The following CCDC150 variants were observed in gnomAD, a reference collection of about 807,000 sequenced individuals.
CCDC150 encodes coiled-coil domain-containing protein 150.
CCDC150 carries 151 observed loss-of-function variants against 156.5 expected under a neutral mutation model. The observed-to-expected ratio is 0.97, with a 90% confidence interval of 0.85 to 1.10. The LOEUF (loss-of-function observed/expected upper bound fraction) is 1.10. Among genes scored for constraint, CCDC150 ranks in the 50% least tolerant of loss-of-function variants. CCDC150 has a pLI of 0.00. For missense variants in CCDC150, 1,312 were observed against 1,268.1 expected (o/e 1.03, Z -0.53); for synonymous variants, 452 against 429.4 (o/e 1.05, Z -0.65).
intron 17 of CCDC150, among the ~76,000 whole-genome samples, chr2:196,715,630 C>T (rs578206684): frequency 3.9e-4 from 59 of 152,248 alleles, no homozygotes; most frequent in African/African-American, 1.4e-3. Context: ...GTCTTTTCAA[C>T]AAACGGTGCC....
chr2:196,640,820 C>T (rs530136592), intron 1 of CCDC150, among the ~76,000 whole-genome samples: 2 of 152,336 alleles, frequency 1.3e-5, no homozygotes, highest in South Asian at 2.1e-4. Context: ...TGCTTTTGTT[C>T]TTCCACCATT....
At chr2:196,711,996 G>A (rs532898190) in intron 15 of CCDC150, 149 bp from the exon 16 acceptor site, 3 of 360,070 alleles carry the variant, frequency 8.3e-6, no homozygotes, top group East Asian at 8.3e-5. Context: ...CTTTTTGCAA[G>A]TTTTAAAGAT....
intron 13 of CCDC150, 98 bp from the exon 14 acceptor site, chr2:196,694,948 A>T (rs1394029911): frequency 3.4e-5 from 22 of 641,110 alleles, no homozygotes; most frequent in Non-Finnish European, 5.8e-5. Flanking sequence ...TATGGACAAT[A>T]CTGTCCATTT....
Position 196,639,862 on chromosome 2 carries a change from T to C in CCDC150, c.12+84T>C, listed in dbSNP as rs568389304. On this transcript the variant is annotated intron_variant, in intron 1 of 27. Coordinates refer to ENST00000389175, the MANE Select transcript of CCDC150 (RefSeq NM_001080539.2). ...TCAGATAAGGACAGTCACCACTCCC[T>C]GGCGCCCTCTCCCTGTCCTGACGGA... 5.0e-6 allele frequency: 6 copies of C among 1,202,852 alleles called. No homozygotes were observed. In the South Asian group the frequency reaches 6.2e-5, roughly 12 times the overall value. 74.5% of individuals were successfully genotyped at this position (1,202,852 alleles called of 1,614,324 possible). A position where few individuals can be genotyped will look rare whatever the true frequency, so the allele number is the denominator to read the frequency against.
intron 13 of CCDC150, chr2:196,686,272 A>G (rs1695122294): frequency 4.7e-6 from 1 of 212,798 alleles, no homozygotes; most frequent in Non-Finnish European, 9.7e-6. Flanking sequence ...GCTGCCTGGT[A>G]CATGGCTGCA....
Position 196,701,127 on chromosome 2 carries a change from GA to G in CCDC150, c.1648del (p.Ile550SerfsTer17). The part of the protein sequence containing the change: ...DYHGLAQQKV[E>X]KITESKNKLA... Reference sequence around the variant, plus strand: ...TTATCAGCTTGCCCAACAGAAGGTGGAAAAAATCACTGAAAGTAAAAATAAA... The same window carrying G: ...TTATCAGCTTGCCCAACAGAAGGTGGAAAAATCACTGAAAGTAAAAATAAA... On this transcript the variant is annotated frameshift_variant, in exon 15 of 28. Coordinates refer to ENST00000389175, the MANE Select transcript of CCDC150 (RefSeq NM_001080539.2). LOFTEE classifies it high-confidence loss of function. 3 of 1,608,350 alleles carry G rather than the reference GA, an allele frequency of 1.9e-6. No individual in the cohort carries two copies. Among genetic ancestry groups the G allele is most frequent in the South Asian group, 1.1e-5 (1 of 89,656 alleles).
intron 21 of CCDC150, among the ~76,000 whole-genome samples, chr2:196,722,428 A>T (rs1286040716): frequency 4.4e-5 from 6 of 135,704 alleles, no homozygotes; most frequent in Non-Finnish European, 9.3e-5. Flanking sequence ...GGCATGCATC[A>T]CCACACCTGG....
intron 21 of CCDC150, among the ~76,000 whole-genome samples, chr2:196,723,279 G>T (rs1206962819): frequency 6.6e-6 from 1 of 152,190 alleles, no homozygotes; most frequent in Non-Finnish European, 1.5e-5. Context: ...AAGGTGGGCG[G>T]ATCACGAGGT....
At chr2:196,642,949 G>T (rs1349257111) in intron 1 of CCDC150, among the ~76,000 whole-genome samples, 1 of 152,066 alleles carries the variant, frequency 6.6e-6, no homozygotes, top group Non-Finnish European at 1.5e-5. Flanking sequence ...TGCCATGTGG[G>T]CCAGGCTGGT....
At chr2:196,687,198 C>T (rs938767424) in intron 13 of CCDC150, among the ~76,000 whole-genome samples, 1 of 152,182 alleles carries the variant, frequency 6.6e-6, no homozygotes, top group Non-Finnish European at 1.5e-5. Context: ...CTGTCTTCCA[C>T]AATGGTTGAA....
At chr2:196,713,549 G>A in intron 17 of CCDC150, 1 of 1,550,432 alleles carries the variant, frequency 6.4e-7, no homozygotes, top group South Asian at 1.2e-5. Context: ...GGATATTGGA[G>A]ACTCTAGGAT....
In CCDC150 at chr2:196,695,029, C is replaced by A. The variant is rs1169331922; in HGVS notation, c.1510-17C>A. On this transcript the variant is annotated splice_polypyrimidine_tract_variant and intron_variant, in intron 13 of 27. Transcript: ENST00000389175. ...TCTGGCGTAAATAGTTTCTTTTTTA[C>A]TTTTGTTTCTTTAAAGGTAGACATA... The A allele has an allele frequency of 1.5e-6, 2 of 1,361,134 alleles. No homozygotes were observed. Among genetic ancestry groups the A allele is most frequent in the African/African-American group, 1.5e-5 (1 of 68,166 alleles). 84.3% of individuals were successfully genotyped at this position (1,361,134 alleles called of 1,614,324 possible). A position where few individuals can be genotyped will look rare whatever the true frequency, so the allele number is the denominator to read the frequency against.
At chr2:196,721,421 ATGG>A in intron 20 of CCDC150, 98 bp from the exon 21 acceptor site, 1 of 788,410 alleles carries the variant, frequency 1.3e-6, no homozygotes, top group Non-Finnish European at 1.7e-6. Flanking sequence ...TATTGTTTCA[ATGG>A]TACTTGATGA....
intron 4 of CCDC150, chr2:196,657,397 A>G: frequency 2.8e-6 from 1 of 357,498 alleles, no homozygotes; most frequent in South Asian, 3.9e-5. Context: ...GGTATGAGAT[A>G]GAGCCTGTGC....
intron 15 of CCDC150, among the ~76,000 whole-genome samples, chr2:196,707,175 C>T (rs1367703024): frequency 6.6e-6 from 1 of 152,018 alleles, no homozygotes; most frequent in East Asian, 1.9e-4. Context: ...ATTATTGCCT[C>T]AATTTCAGAG....
chr2:196,709,325 A>T (rs1226048814), intron 15 of CCDC150, among the ~76,000 whole-genome samples: 1 of 152,136 alleles, frequency 6.6e-6, no homozygotes, highest in African/African-American at 2.4e-5. Flanking sequence ...TGCATCACGT[A>T]GTTCTCGTGC....
Position 196,676,868 on chromosome 2 carries a change from G to A in CCDC150, c.1440+137G>A, listed in dbSNP as rs1383927205. On this transcript the variant is annotated intron_variant, in intron 12 of 27. Coordinates refer to ENST00000389175, the MANE Select transcript of CCDC150 (RefSeq NM_001080539.2). ...TGAGTTGCCCAGTAAAGAATCTTTAGGTGGCTAACCTATGCCTTTTAGCAT... is the reference window on the plus strand; with the variant it reads ...TGAGTTGCCCAGTAAAGAATCTTTAAGTGGCTAACCTATGCCTTTTAGCAT... 9 of 746,600 alleles carry A rather than the reference G, an allele frequency of 1.2e-5. No homozygotes were observed. The Admixed American group carries it at 2.4e-4, about 20-fold the overall frequency. 46.2% of individuals were successfully genotyped at this position (746,600 alleles called of 1,614,324 possible).
chr2:196,676,328 A>G, intron 11 of CCDC150, 61 bp downstream of exon 11: 2 of 1,580,696 alleles, frequency 1.3e-6, no homozygotes, highest in African/African-American at 1.3e-5. Context: ...GTTTCTTATC[A>G]TGTGTCCGTC....
chr2:196,700,738 C>T (rs1164215922), intron 14 of CCDC150, among the ~76,000 whole-genome samples: 1 of 152,152 alleles, frequency 6.6e-6, no homozygotes, highest in Non-Finnish European at 1.5e-5. Flanking sequence ...TGGTCACTTG[C>T]AGCTGCTATT....
Sources: gnomAD v4.1 joint callset for allele counts (sites outside exome capture counted in the v4.1 genomes callset) on GRCh38, gnomAD v4.1.1 for gene constraint, MANE v1.5 for transcripts, NCBI Gene and HGNC (gene_info 2026-07-23, HGNC 2026-07-21) for gene names.